CCDC7: variants seen among roughly 807,000 people sequenced by gnomAD.
CCDC7 encodes the protein coiled-coil domain-containing protein 7.
In CCDC7, 183 loss-of-function variants were observed where a neutral mutation model predicts 196.9. The ratio of observed to expected loss-of-function variants is 0.93; its 90% confidence interval spans 0.82 to 1.05. The LOEUF (loss-of-function observed/expected upper bound fraction) is 1.05. Among genes scored for constraint, CCDC7 ranks in the 50% least tolerant of loss-of-function variants. CCDC7 has a pLI of 0.00. For synonymous variants in CCDC7, 525 were observed against 484.6 expected (o/e 1.08, Z -1.10); for missense variants, 1,540 against 1,482.2 (o/e 1.04, Z -0.64).
chr10:32,612,099 C>T (rs943032778), intron 18 of CCDC7, among the ~76,000 whole-genome samples: 1 of 152,120 alleles, frequency 6.6e-6, no homozygotes, highest in Non-Finnish European at 1.5e-5. Context: ...TTTTGTTGAG[C>T]AGTGGTTTGC....
intron 28 of CCDC7, among the ~76,000 whole-genome samples, chr10:32,750,958 G>A (rs906292994): frequency 3.9e-5 from 6 of 152,084 alleles, no homozygotes; most frequent in South Asian, 2.1e-4. Context: ...ATATAAAGTG[G>A]CAGAGGATAA....
chr10:32,672,366 A>C (rs2074218234), intron 21 of CCDC7, among the ~76,000 whole-genome samples: 1 of 152,102 alleles, frequency 6.6e-6, no homozygotes, highest in Non-Finnish European at 1.5e-5. Context: ...TGGGATTTGG[A>C]ATGCAAACTA....
chr10:32,697,219 G>A (rs1338770775), intron 24 of CCDC7, among the ~76,000 whole-genome samples: 2 of 152,138 alleles, frequency 1.3e-5, no homozygotes, highest in South Asian at 4.1e-4. Context: ...CACCCAAGAT[G>A]GCCGAATAGG....
chr10:32,602,249 C>A (rs752950501), intron 18 of CCDC7, among the ~76,000 whole-genome samples: 21 of 152,112 alleles, frequency 1.4e-4, no homozygotes, highest in Non-Finnish European at 2.5e-4. Flanking sequence ...CTGAAGTTAG[C>A]AAGACCACGA....
chr10:32,756,631 C>A (rs2076502390), intron 28 of CCDC7, among the ~76,000 whole-genome samples: 1 of 152,170 alleles, frequency 6.6e-6, no homozygotes, highest in South Asian at 2.1e-4. Flanking sequence ...ACAACTGGTA[C>A]CAGCCACTGG....
rs547613518 is a variant in CCDC7 at position 32,553,968 on chromosome 10, G to A, written c.1134+9667G>A. Among the ~76,000 whole-genome samples, 46 of 152,276 alleles carry A rather than the reference G, an allele frequency of 3.0e-4. 1 individual carries two copies. The South Asian group carries it at 9.3e-3, about 31-fold the overall frequency. Reference sequence around the variant, plus strand: ...GGGGGCAGGGCTAGGTGTGGCTGAGGTCTGACTCCTTGGGTGAGTCTTGCT... The same window carrying A: ...GGGGGCAGGGCTAGGTGTGGCTGAGATCTGACTCCTTGGGTGAGTCTTGCT... On this transcript the variant is annotated intron_variant, in intron 13 of 41. Transcript: ENST00000639629.
chr10:32,704,881 G>T (rs368999203), intron 24 of CCDC7, among the ~76,000 whole-genome samples: 1 of 152,254 alleles, frequency 6.6e-6, no homozygotes, highest in South Asian at 2.1e-4. Context: ...ATTAGGTTGG[G>T]AGTGACTCGA....
At chr10:32,614,808 C>A (rs1003865926) in intron 18 of CCDC7, among the ~76,000 whole-genome samples, 1 of 152,122 alleles carries the variant, frequency 6.6e-6, no homozygotes, top group African/African-American at 2.4e-5. Context: ...TTTGATCTAT[C>A]CCACCCACTG....
intron 30 of CCDC7, among the ~76,000 whole-genome samples, chr10:32,809,652 G>T (rs564384459): frequency 8.7e-4 from 132 of 152,312 alleles, no homozygotes; most frequent in African/African-American, 3.1e-3. Context: ...GGTCATCAGA[G>T]AAATGCAAAT....
intron 29 of CCDC7, among the ~76,000 whole-genome samples, chr10:32,803,800 T>A (rs1319643324): frequency 1.3e-5 from 2 of 152,102 alleles, no homozygotes; most frequent in Non-Finnish European, 2.9e-5. Context: ...GTTTTGTATA[T>A]TTTTTATGTT....
At chr10:32,724,291 T>G (rs1420874963) in intron 25 of CCDC7, among the ~76,000 whole-genome samples, 1 of 152,080 alleles carries the variant, frequency 6.6e-6, no homozygotes, top group Non-Finnish European at 1.5e-5. Context: ...AAAATTTCCA[T>G]GGGATCCTCG....
intron 20 of CCDC7, among the ~76,000 whole-genome samples, chr10:32,643,146 A>T (rs1033164418): frequency 1.3e-5 from 2 of 151,954 alleles, no homozygotes; most frequent in Non-Finnish European, 2.9e-5. Context: ...GGATTTATCT[A>T]TTTCTTCTTG....
exon 40 of CCDC7, chr10:32,851,823 C>T: frequency 6.2e-7 from 1 of 1,611,102 alleles, no homozygotes; most frequent in Middle Eastern, 1.7e-4. Flanking sequence ...CTTATGAGTA[C>T]TCTTCACCCT....
chr10:32,564,949 C>G (rs936105363), intron 13 of CCDC7, among the ~76,000 whole-genome samples: 1 of 152,100 alleles, frequency 6.6e-6, no homozygotes, highest in Non-Finnish European at 1.5e-5. Flanking sequence ...TGCACTCTAG[C>G]CTGGGTAACA....
intron 29 of CCDC7, among the ~76,000 whole-genome samples, chr10:32,792,819 G>T (rs966358578): frequency 6.6e-5 from 10 of 152,114 alleles, no homozygotes; most frequent in Admixed American, 6.5e-4. Context: ...TTTTATGTAA[G>T]CCACAGGGTA....
chr10:32,480,814 A>G (rs1340979914), intron 8 of CCDC7, among the ~76,000 whole-genome samples: 3 of 152,144 alleles, frequency 2.0e-5, no homozygotes, highest in African/African-American at 7.2e-5. Flanking sequence ...AGAAAGCTCT[A>G]TATTCTCCTG....
intron 24 of CCDC7, among the ~76,000 whole-genome samples, chr10:32,697,711 C>A (rs2077956892): frequency 6.6e-6 from 1 of 152,210 alleles, no homozygotes; most frequent in African/African-American, 2.4e-5. Context: ...CTCAACAAGG[C>A]CTGCCTGCCT....
At chr10:32,574,318 T>A (rs2057935232) in intron 16 of CCDC7, 1 of 523,222 alleles carries the variant, frequency 1.9e-6, no homozygotes, top group African/African-American at 2.1e-5. Flanking sequence ...TATTATATAA[T>A]AATATAATAT....
intron 24 of CCDC7, among the ~76,000 whole-genome samples, chr10:32,705,354 C>T (rs2079536819): frequency 6.6e-6 from 1 of 152,106 alleles, no homozygotes; most frequent in Non-Finnish European, 1.5e-5. Context: ...GTACCATCCA[C>T]TGCAAAAACA....
Sources: gnomAD v4.1 joint callset for allele counts (sites outside exome capture counted in the v4.1 genomes callset) on GRCh38, gnomAD v4.1.1 for gene constraint, MANE v1.5 for transcripts, NCBI Gene and HGNC (gene_info 2026-07-23, HGNC 2026-07-21) for gene names.